The following IGSF21 variants were observed in gnomAD, a reference collection of about 807,000 sequenced individuals.
IGSF21 encodes immunoglobulin superfamily member 21.
In IGSF21, 28 loss-of-function variants were observed where a neutral mutation model predicts 46.8. The observed-to-expected ratio is 0.60, with a 90% CI of 0.44 to 0.82. IGSF21 has a LOEUF of 0.82. Ranked by LOEUF, IGSF21 falls within the 40% of genes least tolerant of loss-of-function variation. The pLI, the probability that IGSF21 is intolerant of heterozygous loss-of-function variation, is 0.00. For missense variants in IGSF21, 624 were observed against 665.5 expected, an observed-to-expected ratio of 0.94 and a Z score of 0.69; for synonymous variants, 284 against 273.6, an observed-to-expected ratio of 1.04 and a Z score of -0.38.
intron 3 of IGSF21, among the ~76,000 whole-genome samples, chr1:18,295,543 G>C (rs1015233296): frequency 6.6e-6 from 1 of 152,202 alleles, no homozygotes; most frequent in South Asian, 2.1e-4. Flanking sequence ...ATGAGATGCT[G>C]GGTGCCATTT....
chr1:18,150,543 C>A (rs1020414733), intron 1 of IGSF21, among the ~76,000 whole-genome samples: 3 of 152,186 alleles, frequency 2.0e-5, no homozygotes, highest in African/African-American at 7.2e-5. Context: ...TCAGTGTGGT[C>A]AGAGACAGGA....
chr1:18,251,110 G>A (rs1362050803), intron 2 of IGSF21, among the ~76,000 whole-genome samples: 2 of 152,172 alleles, frequency 1.3e-5, no homozygotes, highest in Admixed American at 6.5e-5. Flanking sequence ...CAAGGGATTA[G>A]ACTGTGTTCT....
intron 3 of IGSF21, among the ~76,000 whole-genome samples, chr1:18,326,135 G>A (rs186900621): frequency 8.3e-4 from 126 of 152,034 alleles, no homozygotes; most frequent in African/African-American, 2.9e-3. Context: ...ACACTTTATC[G>A]CCAGTTTTAT....
intron 3 of IGSF21, among the ~76,000 whole-genome samples, chr1:18,319,203 G>A (rs986505468): frequency 2.6e-5 from 4 of 152,142 alleles, no homozygotes; most frequent in African/African-American, 9.7e-5. Flanking sequence ...CATTCTGAAG[G>A]TCACCTTAAA....
At chr1:18,260,207 G>A (rs1287911298) in intron 2 of IGSF21, among the ~76,000 whole-genome samples, 1 of 152,236 alleles carries the variant, frequency 6.6e-6, no homozygotes, top group Non-Finnish European at 1.5e-5. Flanking sequence ...CACTGAGGAT[G>A]GTCCGAGGAG....
intron 4 of IGSF21, among the ~76,000 whole-genome samples, chr1:18,360,383 A>G (rs2086086919): frequency 6.6e-6 from 1 of 152,104 alleles, no homozygotes; most frequent in African/African-American, 2.4e-5. Flanking sequence ...AATGACTCAT[A>G]CCTGATTTCA....
intron 3 of IGSF21, among the ~76,000 whole-genome samples, chr1:18,325,220 C>T (rs150592168): frequency 9.3e-4 from 142 of 152,318 alleles, no homozygotes; most frequent in African/African-American, 3.4e-3. Flanking sequence ...TCTGGCAGCC[C>T]CTGGTGTTTG....
At chr1:18,134,474 G>T (rs1011115702) in intron 1 of IGSF21, among the ~76,000 whole-genome samples, 1 of 152,190 alleles carries the variant, frequency 6.6e-6, no homozygotes, top group Non-Finnish European at 1.5e-5. Context: ...CTCCCTGGGG[G>T]AGGGTTAATT....
At chr1:18,214,075 C>T (rs2124493481) in intron 1 of IGSF21, among the ~76,000 whole-genome samples, 1 of 152,304 alleles carries the variant, frequency 6.6e-6, no homozygotes, top group Non-Finnish European at 1.5e-5. Flanking sequence ...ATAAGCATAT[C>T]ATTATCAATA....
At chr1:18,118,076 T>G (rs1416229408) in intron 1 of IGSF21, among the ~76,000 whole-genome samples, 1 of 152,104 alleles carries the variant, frequency 6.6e-6, no homozygotes, top group Non-Finnish European at 1.5e-5. Flanking sequence ...ACCCCCAGCC[T>G]CCTACATCAC....
intron 2 of IGSF21, among the ~76,000 whole-genome samples, chr1:18,273,037 A>ATCTTTTTTTTTT (rs2085057842): frequency 1.1e-5 from 1 of 90,202 alleles, no homozygotes; most frequent in Non-Finnish European, 2.3e-5. Context: ...AGCCAGACGG[A>ATCTTTTTTTTTT]TCTTTTTTTT....
chr1:18,166,917 A>C lies in IGSF21; in HGVS notation c.70+58719A>C, dbSNP rs1460088973. ...CCAGAGCAGGGAGGCAGGAAAGGAG[A>C]GATCACCTTCATTGGATCACAAGGC... On this transcript the variant is annotated intron_variant, in intron 1 of 9. Coordinates refer to ENST00000251296, the MANE Select transcript of IGSF21 (RefSeq NM_032880.5). 4 of 153,234 alleles carry C rather than the reference A, an allele frequency of 2.6e-5. No homozygotes were observed. In the East Asian group the frequency reaches 7.7e-4, roughly 30 times the overall value. 9.5% of individuals were successfully genotyped at this position (153,234 alleles called of 1,614,324 possible).
At chr1:18,176,590 C>A (rs767608837) in intron 1 of IGSF21, among the ~76,000 whole-genome samples, 5 of 152,122 alleles carry the variant, frequency 3.3e-5, no homozygotes, top group Non-Finnish European at 7.3e-5. Context: ...AAGGAGTAAG[C>A]CTTTTCACAC....
chr1:18,273,680 T>A (rs919972330), intron 2 of IGSF21, among the ~76,000 whole-genome samples: 4 of 90,434 alleles, frequency 4.4e-5, no homozygotes, highest in African/African-American at 2.0e-4. Flanking sequence ...AGGTAAAGAT[T>A]TTTTTTTTTA....
intron 5 of IGSF21, among the ~76,000 whole-genome samples, chr1:18,363,154 T>A (rs1280348167): frequency 6.6e-6 from 1 of 152,206 alleles, no homozygotes; most frequent in African/African-American, 2.4e-5. Context: ...TGGAGAAAGT[T>A]TGGGCTACGT....
At chr1:18,324,662 G>A (rs905349764) in intron 3 of IGSF21, among the ~76,000 whole-genome samples, 3 of 152,318 alleles carry the variant, frequency 2.0e-5, no homozygotes, top group East Asian at 1.9e-4. Flanking sequence ...AAGGAATGGA[G>A]CTTCTCCATG....
chr1:18,250,752 A>G (rs1416277700), intron 2 of IGSF21, among the ~76,000 whole-genome samples: 7 of 152,154 alleles, frequency 4.6e-5, no homozygotes, highest in South Asian at 4.1e-4. Flanking sequence ...TTCCCAGTCT[A>G]CAAGCATTTA....
chr1:18,247,491 A>G lies in IGSF21; in HGVS notation c.183+19481A>G, dbSNP rs144612609. 1.1e-4 allele frequency among the ~76,000 whole-genome samples: 16 copies of G among 152,188 alleles called. No individual in the cohort carries two copies. The East Asian group carries it at 2.7e-3, about 26-fold the overall frequency. On this transcript the variant is annotated intron_variant, in intron 2 of 9. Coordinates refer to ENST00000251296, the MANE Select transcript of IGSF21 (RefSeq NM_032880.5). ...TCTTACACTCAAAGCATCAGAGGTG[A>G]AAGTGGCAGGAGAGTGCCCAGCCAG... is the stretch of plus-strand genomic sequence containing the variant.
chr1:18,256,334 A>G (rs531455230), intron 2 of IGSF21, among the ~76,000 whole-genome samples: 14 of 152,292 alleles, frequency 9.2e-5, no homozygotes, highest in African/African-American at 3.4e-4. Context: ...GCATTTATTA[A>G]AGTGAATTCT....
Sources: gnomAD v4.1 joint callset for allele counts (sites outside exome capture counted in the v4.1 genomes callset) on GRCh38, gnomAD v4.1.1 for gene constraint, MANE v1.5 for transcripts, NCBI Gene and HGNC (gene_info 2026-07-23, HGNC 2026-07-21) for gene names.